KIF13B: variants seen among roughly 807,000 people sequenced by gnomAD.
KIF13B encodes kinesin-like protein KIF13B.
Under a neutral mutation model 222.0 loss-of-function variants are expected in KIF13B, and 127 were observed. That is an observed-to-expected ratio of 0.57 (90% confidence interval 0.50 to 0.66). The LOEUF (loss-of-function observed/expected upper bound fraction) is 0.66. Ranked by LOEUF, KIF13B falls within the 30% of genes least tolerant of loss-of-function variation. The pLI, the probability that KIF13B is intolerant of heterozygous loss-of-function variation, is 0.00. For synonymous variants in KIF13B, 976 were observed against 919.0 expected (o/e 1.06, Z -1.12); for missense variants, 2,173 against 2,379.0 (o/e 0.91, Z 1.80).
intron 6 of KIF13B, among the ~76,000 whole-genome samples, chr8:29,185,916 A>G (rs1412580196): frequency 6.6e-6 from 1 of 152,186 alleles, no homozygotes; most frequent in Non-Finnish European, 1.5e-5. Flanking sequence ...AAGGCCTCCT[A>G]AGACTTCCAA....
At position 29,092,876 on chromosome 8, in the gene KIF13B, G is replaced by T. The variant is rs765258742; in HGVS notation, c.4327C>A (p.Leu1443Ile). Residue 1443 changes from leucine (L) to isoleucine (I), a missense_variant and splice_region_variant, in exon 37 of 40, where the codon CTC becomes ATC. Physicochemically the swap from Leu to Ile is conservative, Grantham distance 5. This residue lies in a region of KIF13B where 693 missense variants were observed against 656.2 expected (regional missense o/e 1.06). Transcript: ENST00000524189. ...PQNNHSPDPGLSNLAASYLNP... is the reference protein window; with the variant it reads ...PQNNHSPDPGISNLAASYLNP... ...AAGTAGGATGCTGCAAGGTTACTGAGTCCTGCCCATATTACAGGGGAAAAA... is the reference window on the plus strand; with the variant it reads ...AAGTAGGATGCTGCAAGGTTACTGATTCCTGCCCATATTACAGGGGAAAAA... 9 of 1,607,446 alleles carry T rather than the reference G, an allele frequency of 5.6e-6. No homozygotes were observed. Among genetic ancestry groups the T allele is most frequent in the Non-Finnish European group, 7.6e-6 (9 of 1,176,878 alleles).
At chr8:29,251,232 A>C (rs189300485) in intron 1 of KIF13B, among the ~76,000 whole-genome samples, 1 of 151,860 alleles carries the variant, frequency 6.6e-6, no homozygotes, top group Admixed American at 6.6e-5. Context: ...ACAAACAAAA[A>C]ACACCTATCA....
chr8:29,127,236 C>T lies in KIF13B; in HGVS notation c.3108G>A (p.Lys1036=). Residue 1036 remains lysine (K), a synonymous_variant, in exon 25 of 40, where the codon AAG becomes AAA. Coordinates refer to ENST00000524189, the MANE Select transcript of KIF13B (RefSeq NM_015254.4). The part of the protein sequence containing the change: ...GQSRRVQVEV[K]SVQESGTLPL... ...GTAAAGTCCCAGATTCCTGCACTGACTTCACTTCGACTTGAACTCTCCGGG... is the reference window on the plus strand; with the variant it reads ...GTAAAGTCCCAGATTCCTGCACTGATTTCACTTCGACTTGAACTCTCCGGG... 1 of 1,613,878 alleles carries T rather than the reference C, an allele frequency of 6.2e-7. No individual in the cohort carries two copies. The highest frequency in any genetic ancestry group is 8.5e-7 in the Non-Finnish European group (1 of 1,179,788).
chr8:29,127,776 A>G (rs1810178293), intron 24 of KIF13B, among the ~76,000 whole-genome samples: 2 of 152,222 alleles, frequency 1.3e-5, no homozygotes, highest in Non-Finnish European at 2.9e-5. Context: ...CAGCAATTCA[A>G]CTTTCCAGAG....
intron 12 of KIF13B, among the ~76,000 whole-genome samples, chr8:29,161,816 G>C (rs778329949): frequency 6.6e-6 from 1 of 151,380 alleles, no homozygotes; most frequent in Non-Finnish European, 1.5e-5. Context: ...GTTCTACTTC[G>C]TAACTGTTCA....
At position 29,130,341 on chromosome 8, in the gene KIF13B, T is replaced by C. The variant is rs139519622; in HGVS notation, c.3075+192A>G. ...AGCCTGGGCAACAAAGCGAGATCCC[T>C]GTGTCTCTACTTCATTAAAAGAAAA... On this transcript the variant is annotated intron_variant, in intron 24 of 39. Transcript: ENST00000524189. Among the ~76,000 whole-genome samples the C allele has an allele frequency of 9.6e-4, 146 of 152,300 alleles. 2 individuals are homozygous for C. The East Asian group carries it at 0.026, about 27-fold the overall frequency.
chr8:29,152,341 T>C (rs2130036157), intron 14 of KIF13B, among the ~76,000 whole-genome samples: 1 of 152,264 alleles, frequency 6.6e-6, no homozygotes, highest in East Asian at 1.9e-4. Flanking sequence ...AGAAAACTGA[T>C]TCCAATTTTG....
chr8:29,206,521 C>A (rs974603579), intron 2 of KIF13B, among the ~76,000 whole-genome samples: 1 of 152,178 alleles, frequency 6.6e-6, no homozygotes, highest in African/African-American at 2.4e-5. Context: ...ACCTATTTCA[C>A]TACTCACAAG....
intron 26 of KIF13B, among the ~76,000 whole-genome samples, chr8:29,124,933 C>T (rs1810042162): frequency 6.6e-6 from 1 of 151,588 alleles, no homozygotes; most frequent in African/African-American, 2.4e-5. Flanking sequence ...ACCTTTCATG[C>T]CAACTACTTG....
chr8:29,164,712 T>C (rs1811916668), intron 12 of KIF13B, among the ~76,000 whole-genome samples: 1 of 152,206 alleles, frequency 6.6e-6, no homozygotes, highest in African/African-American at 2.4e-5. Context: ...CATTACCATA[T>C]GTATTTCTAA....
In KIF13B at chr8:29,160,837, T is replaced by G; in HGVS notation, c.1300A>C (p.Ile434Leu). The G allele has an allele frequency of 1.9e-6, 3 of 1,613,524 alleles. No homozygotes were observed. The highest frequency in any genetic ancestry group is 2.5e-6 in the Non-Finnish European group (3 of 1,179,554). The change falls in exon 13 of 40, where the codon ATA (isoleucine) becomes CTA (leucine). Residue 434 changes from isoleucine (I) to leucine (L), a missense_variant. Around this residue, in one of 2 missense-constraint regions of KIF13B, gnomAD observed 1,480 missense variants for 1,722.8 expected, o/e 0.86. Transcript: ENST00000524189. The stretch of plus-strand genomic sequence containing the variant: ...TTGATTCCCGAAGACTGAAGAGATA[T>G]TCCAAGACTCTCAAGCTGTTTCTGT... ...ERQKQLESLG[I>L]SLQSSGIKVG...
chr8:29,176,248 G>T, intron 9 of KIF13B, 69 bp from the exon 10 acceptor site: 1 of 929,556 alleles, frequency 1.1e-6, no homozygotes, highest in Non-Finnish European at 1.7e-6. Flanking sequence ...TTAGCACAAA[G>T]ATTGAACACT....
chr8:29,244,279 C>G (rs1173831794), intron 2 of KIF13B, among the ~76,000 whole-genome samples: 1 of 152,204 alleles, frequency 6.6e-6, no homozygotes, highest in Non-Finnish European at 1.5e-5. Context: ...TCCCAAAGTG[C>G]TGGGATTACA....
chr8:29,140,252 G>A, intron 20 of KIF13B, 61 bp from the exon 21 acceptor site: 1 of 1,599,650 alleles, frequency 6.3e-7, no homozygotes, highest in Non-Finnish European at 8.5e-7. Flanking sequence ...CCCTTGAGAT[G>A]ACCTCTCTTC....
intron 21 of KIF13B, among the ~76,000 whole-genome samples, chr8:29,136,795 GTTT>G (rs1203051867): frequency 3.4e-5 from 4 of 116,822 alleles, no homozygotes; most frequent in Admixed American, 9.7e-5. Flanking sequence ...CCTGTAACAG[GTTT>G]TTTTTTTTTT....
At chr8:29,188,203 T>G (rs1234834175) in intron 5 of KIF13B, among the ~76,000 whole-genome samples, 1 of 152,212 alleles carries the variant, frequency 6.6e-6, no homozygotes, top group Non-Finnish European at 1.5e-5. Context: ...TCTGTTATGG[T>G]TCTGAAAGCC....
chr8:29,220,775 A>C (rs1268021715), intron 2 of KIF13B, among the ~76,000 whole-genome samples: 1 of 152,160 alleles, frequency 6.6e-6, no homozygotes, highest in African/African-American at 2.4e-5. Context: ...TGTTGGTAAG[A>C]AAAGAGTAGA....
rs774572916 is a variant in KIF13B, at chr8:29,092,768, G to A, written c.4435C>T (p.Arg1479Trp). 9 of 1,612,880 alleles carry A rather than the reference G, an allele frequency of 5.6e-6. No individual in the cohort carries two copies. Among genetic ancestry groups the A allele is most frequent in the South Asian group, 4.4e-5 (4 of 90,798 alleles). ...ACCTGGTGTGCGAGGGGAGACGGCC[G>A]CTTGCCCCTCTTCTCATCGCGGACG... ...FPVRDEKRGK[R>W]PSPLAHQPVP... is the part of the protein sequence containing the mutation. The change falls in exon 37 of 40, where the codon CGG (arginine) becomes TGG (tryptophan). Residue 1479 changes from arginine to tryptophan, a missense_variant. Physicochemically the swap from Arg to Trp is moderately radical, Grantham distance 101 (BLOSUM62 -3). This residue lies in a region of KIF13B where 693 missense variants were observed against 656.2 expected (regional missense o/e 1.06). Coordinates refer to ENST00000524189, the MANE Select transcript of KIF13B (RefSeq NM_015254.4).
rs780013280 is a variant in KIF13B, at chr8:29,140,629, T to A, written c.2335-12A>T. 1 of 1,604,046 alleles carries A rather than the reference T, an allele frequency of 6.2e-7. No homozygotes were observed. On this transcript the variant is annotated splice_polypyrimidine_tract_variant and intron_variant, in intron 19 of 39. Transcript: ENST00000524189. The stretch of plus-strand genomic sequence containing the variant: ...TATGATCGTATTACCTGTAAAGAGA[T>A]TGAGAACACACAACTTCAGAAAAAC...
Sources: gnomAD v4.1 joint callset for allele counts (sites outside exome capture counted in the v4.1 genomes callset) on GRCh38, gnomAD v4.1.1 for gene constraint, gnomAD v4.1.1 regional missense constraint, MANE v1.5 for transcripts, NCBI Gene and HGNC (gene_info 2026-07-23, HGNC 2026-07-21) for gene names.